Variants in OSBP2 observed in about 807,000 individuals in gnomAD.
OSBP2 encodes the protein oxysterol-binding protein 2.
Under a neutral mutation model 96.0 loss-of-function variants are expected in OSBP2, and 66 were observed. The observed-to-expected ratio is 0.69, with a 90% CI of 0.56 to 0.84. The LOEUF (loss-of-function observed/expected upper bound fraction) is 0.84. Ranked by LOEUF, OSBP2 falls within the 40% of genes least tolerant of loss-of-function variation. OSBP2 has a pLI of 0.00. For missense variants in OSBP2, 1,038 were observed against 1,222.7 expected, an observed-to-expected ratio of 0.85 and a Z score of 2.25; for synonymous variants, 525 against 520.9, an observed-to-expected ratio of 1.01 and a Z score of -0.11.
At chr22:30,885,034 G>A (rs898038616) in intron 3 of OSBP2, among the ~76,000 whole-genome samples, 2 of 152,188 alleles carry the variant, frequency 1.3e-5, no homozygotes, top group East Asian at 1.9e-4. Context: ...GGGCAGATGC[G>A]GGAGGGGATC....
intron 2 of OSBP2, among the ~76,000 whole-genome samples, chr22:30,755,756 G>A (rs969275556): frequency 2.6e-5 from 4 of 152,190 alleles, no homozygotes; most frequent in Non-Finnish European, 5.9e-5. Flanking sequence ...CCCTCCAAGA[G>A]GGGCAAACCT....
chr22:30,747,522 A>G (rs1425921015), intron 2 of OSBP2, among the ~76,000 whole-genome samples: 1 of 152,156 alleles, frequency 6.6e-6, no homozygotes, highest in East Asian at 1.9e-4. Context: ...CAAATGGTAA[A>G]CATTATGTAT....
intron 2 of OSBP2, among the ~76,000 whole-genome samples, chr22:30,749,581 A>T (rs2090048203): frequency 6.6e-6 from 1 of 152,168 alleles, no homozygotes; most frequent in African/African-American, 2.4e-5. Flanking sequence ...GGGTGTGCAA[A>T]TGAAGCCACA....
chr22:30,828,256 T>TGA (rs2038446069), intron 2 of OSBP2, among the ~76,000 whole-genome samples: 1 of 152,242 alleles, frequency 6.6e-6, no homozygotes, highest in Non-Finnish European at 1.5e-5. Flanking sequence ...TCTTTTCCGT[T>TGA]AGGCAGAAAA....
intron 2 of OSBP2, among the ~76,000 whole-genome samples, chr22:30,751,215 C>T (rs746471316): frequency 6.6e-6 from 1 of 152,258 alleles, no homozygotes; most frequent in South Asian, 2.1e-4. Context: ...TCAAATTGCA[C>T]CCCAATCACC....
At chr22:30,864,967 TC>T (rs1230930562) in intron 2 of OSBP2, among the ~76,000 whole-genome samples, 2 of 152,100 alleles carry the variant, frequency 1.3e-5, no homozygotes, top group Non-Finnish European at 2.9e-5. Context: ...CGGGTCACCT[TC>T]CCCCAGTCCA....
intron 1 of OSBP2, among the ~76,000 whole-genome samples, chr22:30,712,266 GGC>G (rs139695451): frequency 0.023 from 3,533 of 152,180 alleles, 119 homozygotes; most frequent in African/African-American, 0.08. Flanking sequence ...CCTCCCACCT[GGC>G]AGAATGACAT....
In OSBP2 at chr22:30,871,333, G is replaced by A. The variant is rs1287134738; in HGVS notation, c.1107+651G>A. On this transcript the variant is annotated intron_variant, in intron 3 of 13. Coordinates refer to ENST00000332585, the MANE Select transcript of OSBP2 (RefSeq NM_030758.4). The surrounding 1 kb of genome is among the most constrained non-coding windows in gnomAD (Gnocchi z 4.7). ...CAGGAGGGTGTCTCGATGGTGGTAG[G>A]AGGATAGTGCTTGGCCCTGCTTCCC... Among the ~76,000 whole-genome samples the A allele has an allele frequency of 2.0e-5, 3 of 152,186 alleles. No homozygotes were observed. The highest frequency in any genetic ancestry group is 4.4e-5 in the Non-Finnish European group (3 of 68,030).
rs545130769 is a variant in OSBP2 at position 30,710,026 on chromosome 22, G to C, written c.644+14473G>C. ...GCCTCCCGAGTAGCTGGAATTATGG[G>C]CATGTACCACCATGCCTGGCTAATT... is the stretch of plus-strand genomic sequence containing the variant. On this transcript the variant is annotated intron_variant, in intron 1 of 13. Coordinates refer to ENST00000332585, the MANE Select transcript of OSBP2 (RefSeq NM_030758.4). 5.3e-5 allele frequency among the ~76,000 whole-genome samples: 8 copies of C among 152,198 alleles called. No homozygotes were observed. The East Asian group carries it at 1.5e-3, about 29-fold the overall frequency.
intron 2 of OSBP2, among the ~76,000 whole-genome samples, chr22:30,827,551 T>A (rs1050904060): frequency 6.6e-6 from 1 of 152,220 alleles, no homozygotes; most frequent in Non-Finnish European, 1.5e-5. Context: ...AGTATAAATC[T>A]GGCTCCTTAT....
chr22:30,727,899 G>C (rs2089677944), intron 1 of OSBP2, among the ~76,000 whole-genome samples: 1 of 151,928 alleles, frequency 6.6e-6, no homozygotes, highest in African/African-American at 2.4e-5. Flanking sequence ...AAGGTCAAGA[G>C]ATCAAGACCA....
chr22:30,855,026 G>A (rs1045602337), intron 2 of OSBP2, among the ~76,000 whole-genome samples: 5 of 152,160 alleles, frequency 3.3e-5, no homozygotes, highest in Non-Finnish European at 7.3e-5. Flanking sequence ...AGAACAGTAT[G>A]GGGGAAACTG....
Position 30,815,663 on chromosome 22 carries a change from T to C in OSBP2, c.854-54766T>C, listed in dbSNP as rs148282979. Reference sequence around the variant, plus strand: ...TGTATTTCCTGTGTTTGGCATCATATTAAACATGGCTCTTCATGCTCTTCC... The same window carrying C: ...TGTATTTCCTGTGTTTGGCATCATACTAAACATGGCTCTTCATGCTCTTCC... On this transcript the variant is annotated intron_variant, in intron 2 of 13. Coordinates refer to ENST00000332585, the MANE Select transcript of OSBP2 (RefSeq NM_030758.4). 3.0e-3 allele frequency among the ~76,000 whole-genome samples: 455 copies of C among 152,318 alleles called. 1 individual carries two copies. Among genetic ancestry groups the C allele is most frequent in the African/African-American group, 0.01 (431 of 41,562 alleles).
intron 2 of OSBP2, among the ~76,000 whole-genome samples, chr22:30,767,827 A>G (rs2090295636): frequency 6.6e-6 from 1 of 152,156 alleles, no homozygotes; most frequent in African/African-American, 2.4e-5. Context: ...GGCGTTGGCA[A>G]GATGTGTCTT....
At chr22:30,780,836 G>A (rs1602254285) in intron 2 of OSBP2, among the ~76,000 whole-genome samples, 1 of 152,148 alleles carries the variant, frequency 6.6e-6, no homozygotes, top group Non-Finnish European at 1.5e-5. Context: ...TTTGGCATTT[G>A]TGGATCTAAG....
intron 12 of OSBP2, among the ~76,000 whole-genome samples, chr22:30,895,514 T>C (rs971738776): frequency 2.6e-5 from 4 of 152,314 alleles, no homozygotes; most frequent in Non-Finnish European, 5.9e-5. Context: ...ATAACCAACA[T>C]TGGATTAATA....
chr22:30,699,595 G>A (rs776309365), intron 1 of OSBP2, among the ~76,000 whole-genome samples: 4 of 152,122 alleles, frequency 2.6e-5, no homozygotes, highest in African/African-American at 4.8e-5. Context: ...TTTGCTAATC[G>A]AATGGGAACT....
At chr22:30,860,113 C>T (rs1204914971) in intron 2 of OSBP2, among the ~76,000 whole-genome samples, 3 of 152,294 alleles carry the variant, frequency 2.0e-5, no homozygotes, top group Non-Finnish European at 1.5e-5. Flanking sequence ...GAATCTGTTT[C>T]ACCATATTGA....
intron 1 of OSBP2, among the ~76,000 whole-genome samples, chr22:30,721,620 C>T (rs1164884506): frequency 2.0e-5 from 3 of 152,194 alleles, no homozygotes; most frequent in South Asian, 2.1e-4. Flanking sequence ...TGATGGGAGT[C>T]GCTTTTACAT....
Sources: allele counts gnomAD v4.1 joint callset (sites outside exome capture counted in the v4.1 genomes callset), GRCh38; gene constraint gnomAD v4.1.1; non-coding constraint Gnocchi (gnomAD v3.1); transcripts MANE v1.5; gene names NCBI Gene and HGNC (gene_info 2026-07-23, HGNC 2026-07-21).